Variants in THSD7B observed in about 807,000 individuals in gnomAD.
The protein encoded by THSD7B is thrombospondin type 1 domain containing 7B.
Under a neutral mutation model 213.6 loss-of-function variants are expected in THSD7B, and 138 were observed. That is an observed-to-expected ratio of 0.65 (90% CI 0.56 to 0.74). The LOEUF (loss-of-function observed/expected upper bound fraction) is 0.74. THSD7B is among the 30% of genes least tolerant of loss of function. THSD7B has a pLI of 0.00. For missense variants in THSD7B, 1,931 were observed against 1,991.5 expected (o/e 0.97, Z 0.58); for synonymous variants, 742 against 687.0 (o/e 1.08, Z -1.25).
At chr2:137,206,703 C>G (rs1573885701) in intron 7 of THSD7B, among the ~76,000 whole-genome samples, 2 of 151,934 alleles carry the variant, frequency 1.3e-5, no homozygotes. Context: ...GTAGAAGAGG[C>G]ATGTTTTGTG....
At chr2:137,501,513 A>T (rs1173324987) in intron 15 of THSD7B, among the ~76,000 whole-genome samples, 1 of 152,178 alleles carries the variant, frequency 6.6e-6, no homozygotes, top group East Asian at 1.9e-4. Flanking sequence ...TTATACTATG[A>T]CATATTATGA....
intron 21 of THSD7B, among the ~76,000 whole-genome samples, chr2:137,652,856 C>T (rs1225457439): frequency 6.6e-6 from 1 of 152,034 alleles, no homozygotes; most frequent in African/African-American, 2.4e-5. Flanking sequence ...CACTTTGCCC[C>T]CGACATTTTG....
At chr2:136,877,882 A>G (rs1683549549) in intron 1 of THSD7B, among the ~76,000 whole-genome samples, 1 of 151,928 alleles carries the variant, frequency 6.6e-6, no homozygotes, top group African/African-American at 2.4e-5. Context: ...ATTTAATCCT[A>G]TACACATGAG....
intron 2 of THSD7B, among the ~76,000 whole-genome samples, chr2:136,979,529 T>G (rs1685539872): frequency 6.6e-6 from 1 of 152,168 alleles, no homozygotes; most frequent in South Asian, 2.1e-4. Context: ...GCCTGTCTTA[T>G]TTCAAGCTCT....
At chr2:136,801,815 C>T (rs1308851523) in intron 1 of THSD7B, among the ~76,000 whole-genome samples, 3 of 152,096 alleles carry the variant, frequency 2.0e-5, no homozygotes, top group Non-Finnish European at 1.5e-5. Flanking sequence ...TAATTTTCAG[C>T]ACATGCTGTG....
intron 7 of THSD7B, among the ~76,000 whole-genome samples, chr2:137,223,696 G>A (rs147888099): frequency 6.4e-4 from 97 of 152,082 alleles, no homozygotes; most frequent in Non-Finnish European, 1.2e-3. Context: ...TGTGTGACTG[G>A]ACCCCCTCAA....
chr2:137,214,864 T>C (rs920299587), intron 7 of THSD7B, among the ~76,000 whole-genome samples: 3 of 152,204 alleles, frequency 2.0e-5, no homozygotes, highest in African/African-American at 7.2e-5. Context: ...TCCAAGTCTT[T>C]GCTATTGTGA....
chr2:137,339,564 A>T (rs536122554), intron 12 of THSD7B, among the ~76,000 whole-genome samples: 1 of 151,966 alleles, frequency 6.6e-6, no homozygotes, highest in South Asian at 2.1e-4. Flanking sequence ...GGAGATTTGG[A>T]ACAACTATAA....
chr2:137,205,757 T>G (rs939344862), intron 7 of THSD7B, among the ~76,000 whole-genome samples: 1 of 152,032 alleles, frequency 6.6e-6, no homozygotes, highest in African/African-American at 2.4e-5. Context: ...TTTAAATATT[T>G]GTTACTTTTA....
At chr2:137,085,388 T>TA (rs1687819335) in intron 3 of THSD7B, among the ~76,000 whole-genome samples, 1 of 152,034 alleles carries the variant, frequency 6.6e-6, no homozygotes, top group African/African-American at 2.4e-5. Flanking sequence ...GAACTAAGAA[T>TA]AAAATGAGAT....
chr2:137,546,444 T>A (rs866410404), intron 15 of THSD7B, among the ~76,000 whole-genome samples: 3 of 28,390 alleles, frequency 1.1e-4, no homozygotes, highest in Admixed American at 5.8e-4. Flanking sequence ...ATTATATATA[T>A]TATATATATA....
At chr2:137,450,491 C>T (rs1008579792) in intron 14 of THSD7B, among the ~76,000 whole-genome samples, 2 of 152,280 alleles carry the variant, frequency 1.3e-5, no homozygotes, top group East Asian at 1.9e-4. Context: ...TTTATAATCC[C>T]TCTTCTAGAC....
At chr2:136,785,501 G>A (rs1681827530) in intron 1 of THSD7B, among the ~76,000 whole-genome samples, 2 of 152,252 alleles carry the variant, frequency 1.3e-5, no homozygotes, top group Non-Finnish European at 2.9e-5. Flanking sequence ...AGGGCTCCCG[G>A]GGTCTGAGTG....
chr2:137,559,962 G>T (rs545644962), intron 15 of THSD7B, among the ~76,000 whole-genome samples: 113 of 152,274 alleles, frequency 7.4e-4, no homozygotes, highest in African/African-American at 2.6e-3. Context: ...ATCAAAAAAT[G>T]CTCATCATCA....
intron 2 of THSD7B, among the ~76,000 whole-genome samples, chr2:136,942,149 A>G (rs1453015485): frequency 2.6e-5 from 4 of 152,184 alleles, no homozygotes; most frequent in African/African-American, 7.2e-5. Context: ...CAAATATCAG[A>G]TGGCTGTAGA....
intron 12 of THSD7B, among the ~76,000 whole-genome samples, chr2:137,362,054 C>A (rs1024126141): frequency 2.0e-5 from 3 of 151,990 alleles, no homozygotes; most frequent in Admixed American, 6.6e-5. Flanking sequence ...ACTCTACAAG[C>A]CAGAAGAGAG....
chr2:137,587,473 A>G (rs1465337634), intron 17 of THSD7B, among the ~76,000 whole-genome samples: 1 of 151,916 alleles, frequency 6.6e-6, no homozygotes. Context: ...GGTTTTATCT[A>G]CCTTTGGTCT....
chr2:136,778,320 T>C (rs1681651933), intron 1 of THSD7B, among the ~76,000 whole-genome samples: 1 of 152,214 alleles, frequency 6.6e-6, no homozygotes, highest in Non-Finnish European at 1.5e-5. Context: ...CAATAGATCA[T>C]CAGTGGCAGC....
chr2:136,873,364 C>T (rs1366932762), intron 1 of THSD7B, among the ~76,000 whole-genome samples: 1 of 152,168 alleles, frequency 6.6e-6, no homozygotes, highest in East Asian at 1.9e-4. Flanking sequence ...TGCAGAGTGT[C>T]ATGCTGAGGT....
Sources: gnomAD v4.1 joint callset for allele counts (sites outside exome capture counted in the v4.1 genomes callset) on GRCh38, gnomAD v4.1.1 for gene constraint, MANE v1.5 for transcripts, NCBI Gene and HGNC (gene_info 2026-07-23, HGNC 2026-07-21) for gene names.